The following CADPS2 variants were observed in gnomAD, a reference collection of about 807,000 sequenced individuals.
CADPS2 encodes calcium-dependent secretion activator 2.
In CADPS2, 93 loss-of-function variants were observed where a neutral mutation model predicts 172.5. That is an observed-to-expected ratio of 0.54 (90% CI 0.46 to 0.64). The LOEUF (loss-of-function observed/expected upper bound fraction) is 0.64. CADPS2 is among the 30% of genes least tolerant of loss of function. The pLI is 0.00. For missense variants in CADPS2, 1,420 were observed against 1,565.9 expected (o/e 0.91, Z 1.57); for synonymous variants, 546 against 555.2 (o/e 0.98, Z 0.23).
intron 3 of CADPS2, among the ~76,000 whole-genome samples, chr7:122,645,415 A>C: frequency 7.6e-4 from 1 of 1,322 alleles, no homozygotes; most frequent in East Asian, 0.022. Context: ...ATATACACAC[A>C]TGTATATGTG....
At chr7:122,487,648 T>C (rs1435457516) in intron 11 of CADPS2, among the ~76,000 whole-genome samples, 1 of 152,086 alleles carries the variant, frequency 6.6e-6, no homozygotes, top group Admixed American at 6.6e-5. Context: ...TAACCAAGAA[T>C]AAAAAGAGCT....
In CADPS2 at chr7:122,705,912, TA is replaced by T. The variant is rs1564124780; in HGVS notation, c.453+31042del. ...AAATATAATATAATATATAATATAT[TA>T]TATAATATAATATATAATATATTAT... On this transcript the variant is annotated intron_variant, in intron 2 of 29. Coordinates refer to ENST00000449022, the MANE Select transcript of CADPS2 (RefSeq NM_017954.11). 4.6e-4 allele frequency among the ~76,000 whole-genome samples: 2 copies of T among 4,352 alleles called. 1 individual carries two copies. The highest frequency in any genetic ancestry group is 1.2e-3 in the African/African-American group (2 of 1,658). The allele number at this position is 4,352 out of a possible 152,430, so 2.9% of individuals were successfully genotyped here.
At chr7:122,865,905 C>G (rs1425867166) in intron 1 of CADPS2, among the ~76,000 whole-genome samples, 1 of 152,158 alleles carries the variant, frequency 6.6e-6, no homozygotes, top group Non-Finnish European at 1.5e-5. Flanking sequence ...ATCTTCCCCA[C>G]CCAGCACCCT....
intron 1 of CADPS2, among the ~76,000 whole-genome samples, chr7:122,757,411 G>C (rs771344342): frequency 6.6e-6 from 1 of 152,026 alleles, no homozygotes; most frequent in Non-Finnish European, 1.5e-5. Context: ...GCCACCCAAA[G>C]TGCTGGGATT....
chr7:122,842,799 G>A (rs1392370627), intron 1 of CADPS2, among the ~76,000 whole-genome samples: 2 of 152,122 alleles, frequency 1.3e-5, no homozygotes, highest in East Asian at 3.9e-4. Context: ...AAAGGAGGGA[G>A]GAAGAAGACA....
chr7:122,688,858 T>A (rs1300478955), intron 2 of CADPS2, among the ~76,000 whole-genome samples: 1 of 152,014 alleles, frequency 6.6e-6, no homozygotes, highest in Non-Finnish European at 1.5e-5. Flanking sequence ...CTCCACCCCC[T>A]CGGCCAAGGG....
intron 9 of CADPS2, among the ~76,000 whole-genome samples, chr7:122,500,335 T>C (rs545304188): frequency 6.6e-6 from 1 of 152,322 alleles, no homozygotes; most frequent in Admixed American, 6.5e-5. Context: ...GCACGAAATT[T>C]ATTTCAATTC....
intron 2 of CADPS2, among the ~76,000 whole-genome samples, chr7:122,731,150 T>C (rs1002308805): frequency 6.6e-6 from 1 of 151,688 alleles, no homozygotes; most frequent in Non-Finnish European, 1.5e-5. Flanking sequence ...CTCTCATTTA[T>C]TCTTTGGAAC....
chr7:122,849,651 G>C (rs1196885224), intron 1 of CADPS2: 1 of 308,954 alleles, frequency 3.2e-6, no homozygotes, highest in African/African-American at 2.3e-5. Flanking sequence ...ACTGTAGCCA[G>C]CTGCTATGGC....
At chr7:122,582,427 T>C in intron 6 of CADPS2, among the ~76,000 whole-genome samples, 1 of 151,898 alleles carries the variant, frequency 6.6e-6, no homozygotes, top group East Asian at 1.9e-4. Flanking sequence ...CTAGATGCAG[T>C]CTTTTTTTTT....
At chr7:122,683,804 C>G (rs546253255) in intron 2 of CADPS2, among the ~76,000 whole-genome samples, 1 of 151,854 alleles carries the variant, frequency 6.6e-6, no homozygotes, top group Non-Finnish European at 1.5e-5. Context: ...TTTGCATGTT[C>G]TCCCCAAGTC....
intron 1 of CADPS2, among the ~76,000 whole-genome samples, chr7:122,751,836 G>C (rs1371351784): frequency 1.3e-5 from 2 of 152,160 alleles, no homozygotes; most frequent in African/African-American, 4.8e-5. Flanking sequence ...TATGCATTTT[G>C]GTCCTAAGTG....
intron 2 of CADPS2, chr7:122,697,988 C>T: frequency 1.2e-6 from 2 of 1,613,410 alleles, no homozygotes; most frequent in Non-Finnish European, 1.7e-6. Context: ...GTTCCATTTT[C>T]AACAACCACT....
chr7:122,578,839 G>A (rs1188496580), intron 7 of CADPS2, among the ~76,000 whole-genome samples: 1 of 152,074 alleles, frequency 6.6e-6, no homozygotes, highest in Non-Finnish European at 1.5e-5. Context: ...TTGAATTAGG[G>A]TAGTGGGGAT....
At chr7:122,606,173 C>T (rs959542740) in intron 6 of CADPS2, among the ~76,000 whole-genome samples, 1 of 152,096 alleles carries the variant, frequency 6.6e-6, no homozygotes, top group Non-Finnish European at 1.5e-5. Flanking sequence ...GCCTTTTGAA[C>T]GGTACCCTGG....
chr7:122,372,653 G>T (rs2151280816), intron 25 of CADPS2, among the ~76,000 whole-genome samples: 1 of 152,276 alleles, frequency 6.6e-6, no homozygotes, highest in East Asian at 1.9e-4. Context: ...AGAAATATCT[G>T]GGATACGAGA....
intron 20 of CADPS2, among the ~76,000 whole-genome samples, chr7:122,406,950 G>C (rs2046722818): frequency 6.6e-6 from 1 of 152,158 alleles, no homozygotes; most frequent in African/African-American, 2.4e-5. Context: ...TGTTTTGTTT[G>C]CTGGAAGACC....
At chr7:122,385,895 T>C (rs905941242) in intron 24 of CADPS2, among the ~76,000 whole-genome samples, 2 of 152,074 alleles carry the variant, frequency 1.3e-5, no homozygotes, top group Non-Finnish European at 2.9e-5. Flanking sequence ...GAAATTCTTT[T>C]GGTATTAAAA....
At chr7:122,729,869 T>C (rs2091482730) in intron 2 of CADPS2, among the ~76,000 whole-genome samples, 1 of 151,478 alleles carries the variant, frequency 6.6e-6, no homozygotes, top group African/African-American at 2.4e-5. Flanking sequence ...GTAACTGGAA[T>C]GAAGAGGAGC....
Sources: allele counts gnomAD v4.1 joint callset (sites outside exome capture counted in the v4.1 genomes callset), GRCh38; gene constraint gnomAD v4.1.1; transcripts MANE v1.5; gene names NCBI Gene and HGNC (gene_info 2026-07-23, HGNC 2026-07-21).